The following LRMDA variants were observed in gnomAD, a reference collection of about 807,000 sequenced individuals.
The protein encoded by LRMDA is leucine-rich melanocyte differentiation-associated protein.
In LRMDA, 18 loss-of-function variants were observed where a neutral mutation model predicts 29.8. The observed-to-expected ratio is 0.60, with a 90% CI of 0.42 to 0.90. The LOEUF (loss-of-function observed/expected upper bound fraction) is 0.90. LRMDA is among the 40% of genes least tolerant of loss of function. The pLI is 0.00. For missense variants in LRMDA, 273 were observed against 273.9 expected (o/e 1.00, Z 0.02); for synonymous variants, 125 against 109.4 (o/e 1.14, Z -0.89).
intron 2 of LRMDA, among the ~76,000 whole-genome samples, chr10:75,559,146 C>A (rs960854332): frequency 6.6e-6 from 1 of 152,084 alleles, no homozygotes; most frequent in African/African-American, 2.4e-5. Flanking sequence ...ACAGTCCCAC[C>A]AACAGTGTAA....
At chr10:76,321,016 G>T (rs972284676) in intron 5 of LRMDA, among the ~76,000 whole-genome samples, 1 of 151,952 alleles carries the variant, frequency 6.6e-6, no homozygotes, top group Non-Finnish European at 1.5e-5. Context: ...ATAGAAATCA[G>T]GTTTTTTTCT....
At chr10:76,172,651 C>G (rs11001664) in intron 5 of LRMDA, among the ~76,000 whole-genome samples, 1 of 152,162 alleles carries the variant, frequency 6.6e-6, no homozygotes, top group Non-Finnish European at 1.5e-5. Context: ...CCCTTTGGAG[C>G]TCACACAGGA....
chr10:75,445,647 C>T (rs1278025628), intron 2 of LRMDA, among the ~76,000 whole-genome samples: 2 of 152,208 alleles, frequency 1.3e-5, no homozygotes, highest in African/African-American at 2.4e-5. Context: ...TTCCCATCTC[C>T]CCTGATTGGG....
At chr10:75,778,996 T>C (rs1843346313) in intron 2 of LRMDA, among the ~76,000 whole-genome samples, 1 of 152,214 alleles carries the variant, frequency 6.6e-6, no homozygotes, top group African/African-American at 2.4e-5. Flanking sequence ...GTATGTCTAG[T>C]ATCATTTAAT....
intron 2 of LRMDA, among the ~76,000 whole-genome samples, chr10:76,035,007 C>T (rs559957994): frequency 5.3e-5 from 8 of 152,144 alleles, no homozygotes; most frequent in Admixed American, 3.9e-4. Context: ...CCTCGTGTCA[C>T]CTCCACCCCC....
intron 5 of LRMDA, among the ~76,000 whole-genome samples, chr10:76,092,954 C>T (rs1168750014): frequency 6.6e-6 from 1 of 152,058 alleles, no homozygotes; most frequent in Non-Finnish European, 1.5e-5. Context: ...AAATGGAACT[C>T]AGGTATTTCT....
At chr10:76,143,262 G>A (rs573842691) in intron 5 of LRMDA, among the ~76,000 whole-genome samples, 5 of 152,216 alleles carry the variant, frequency 3.3e-5, no homozygotes, top group Admixed American at 1.3e-4. Context: ...CTGAGAAATC[G>A]CCACACTGAC....
chr10:76,366,451 T>A (rs1472124404), intron 6 of LRMDA, among the ~76,000 whole-genome samples: 1 of 152,208 alleles, frequency 6.6e-6, no homozygotes, highest in East Asian at 1.9e-4. Flanking sequence ...GTAGTTTTCC[T>A]TGTAGAGGTC....
At chr10:76,227,702 T>C (rs1851985726) in intron 5 of LRMDA, among the ~76,000 whole-genome samples, 1 of 152,228 alleles carries the variant, frequency 6.6e-6, no homozygotes, top group African/African-American at 2.4e-5. Context: ...GGGCATATCC[T>C]ATAGTCTCTC....
intron 2 of LRMDA, among the ~76,000 whole-genome samples, chr10:75,874,248 G>C (rs908626717): frequency 6.6e-6 from 1 of 152,188 alleles, no homozygotes; most frequent in Non-Finnish European, 1.5e-5. Context: ...AGTTAGAGAA[G>C]ACCATAGCAT....
At chr10:75,841,403 C>T (rs58416225) in intron 2 of LRMDA, among the ~76,000 whole-genome samples, 1 of 152,148 alleles carries the variant, frequency 6.6e-6, no homozygotes, top group South Asian at 2.1e-4. Context: ...ATATGCATGT[C>T]GACTCAAGCC....
chr10:75,635,626 A>G (rs762586342), intron 2 of LRMDA, among the ~76,000 whole-genome samples: 1 of 152,146 alleles, frequency 6.6e-6, no homozygotes, highest in South Asian at 2.1e-4. Context: ...CTGGTTCTAC[A>G]GTTACAGGGA....
chr10:75,997,579 G>A lies in LRMDA; in HGVS notation c.132-38429G>A, dbSNP rs537611236. 9.1e-4 allele frequency among the ~76,000 whole-genome samples: 139 copies of A among 152,076 alleles called. 2 individuals are homozygous for A. The highest frequency in any genetic ancestry group is 3.2e-3 in the African/African-American group (134 of 41,478). On this transcript the variant is annotated intron_variant, in intron 2 of 6. Transcript: ENST00000611255. Reference sequence around the variant, plus strand: ...TAGTTTTCGAGGACTATTATGTAAAGTGATAGAAAGTCAGGGATTTTATCC... The same window carrying A: ...TAGTTTTCGAGGACTATTATGTAAAATGATAGAAAGTCAGGGATTTTATCC...
At chr10:76,521,294 C>T (rs759728376) in intron 6 of LRMDA, among the ~76,000 whole-genome samples, 1 of 152,028 alleles carries the variant, frequency 6.6e-6, no homozygotes, top group Non-Finnish European at 1.5e-5. Flanking sequence ...CCACCACGCC[C>T]GGCTAATTTT....
intron 5 of LRMDA, among the ~76,000 whole-genome samples, chr10:76,088,195 G>A (rs899650005): frequency 1.3e-5 from 2 of 152,248 alleles, no homozygotes; most frequent in East Asian, 3.9e-4. Context: ...AGCGGAAAGT[G>A]ATCCATCACT....
rs11001751 is a variant in LRMDA at position 76,361,345 on chromosome 10, A to G, written c.601+36860A>G. On this transcript the variant is annotated intron_variant, in intron 6 of 6. Transcript: ENST00000611255. The stretch of plus-strand genomic sequence containing the variant: ...TTGGGGAGCTTGTTTAGGAGTAGCT[A>G]TCTGATAGGGGTATAACAATGGTGA... Among the ~76,000 whole-genome samples, 10 of 152,224 alleles carry G rather than the reference A, an allele frequency of 6.6e-5. No individual in the cohort carries two copies. The East Asian group carries it at 1.4e-3, about 21-fold the overall frequency.
chr10:76,259,593 G>A (rs1839907889), intron 5 of LRMDA, among the ~76,000 whole-genome samples: 1 of 152,062 alleles, frequency 6.6e-6, no homozygotes, highest in Admixed American at 6.5e-5. Context: ...GGTCTCTGGT[G>A]CAGTTTAATT....
intron 4 of LRMDA, among the ~76,000 whole-genome samples, chr10:76,056,188 T>A (rs1589306789): frequency 6.6e-6 from 1 of 151,916 alleles, no homozygotes; most frequent in East Asian, 1.9e-4. Context: ...AGACCCAGAG[T>A]GGGTAGCTCC....
chr10:75,972,164 TA>T (rs1202850645), intron 2 of LRMDA, among the ~76,000 whole-genome samples: 2 of 152,228 alleles, frequency 1.3e-5, no homozygotes, highest in African/African-American at 2.4e-5. Context: ...GGATGATGAC[TA>T]ATATGGCATT....
Sources: gnomAD v4.1 joint callset for allele counts (sites outside exome capture counted in the v4.1 genomes callset) on GRCh38, gnomAD v4.1.1 for gene constraint, MANE v1.5 for transcripts, NCBI Gene and HGNC (gene_info 2026-07-23, HGNC 2026-07-21) for gene names.